The following UNC50 variants were observed in gnomAD, a reference collection of about 807,000 sequenced individuals.
The protein encoded by UNC50 is protein unc-50 homolog.
In UNC50, 24 loss-of-function variants were observed where a neutral mutation model predicts 31.5. That is an observed-to-expected ratio of 0.76 (90% CI 0.55 to 1.07). The LOEUF (loss-of-function observed/expected upper bound fraction) is 1.07. Ranked by LOEUF, UNC50 falls within the 50% of genes least tolerant of loss-of-function variation. The pLI, the probability that UNC50 is intolerant of heterozygous loss-of-function variation, is 0.00. For synonymous variants in UNC50, 118 were observed against 114.7 expected, an observed-to-expected ratio of 1.03 and a Z score of -0.18; for missense variants, 245 against 304.2, an observed-to-expected ratio of 0.81 and a Z score of 1.45.
chr2:98,612,620 G>A (rs1700854206), intron 3 of UNC50, among the ~76,000 whole-genome samples: 2 of 152,164 alleles, frequency 1.3e-5, no homozygotes, highest in African/African-American at 2.4e-5. Flanking sequence ...ATTTGGCCAG[G>A]CTGGTCTCAA....
At chr2:98,616,577 A>T (rs763618806) in intron 5 of UNC50, 44 bp downstream of exon 5, 12 of 1,512,766 alleles carry the variant, frequency 7.9e-6, no homozygotes, top group Non-Finnish European at 1.0e-5. Flanking sequence ...ACATAGCAAG[A>T]GGGGGAAAGT....
At chr2:98,614,721 G>A (rs535642451) in intron 3 of UNC50, among the ~76,000 whole-genome samples, 21 of 152,158 alleles carry the variant, frequency 1.4e-4, no homozygotes, top group Non-Finnish European at 2.8e-4. Flanking sequence ...CTTGGGGAGC[G>A]AGCTACATAC....
At chr2:98,610,679 T>C in intron 2 of UNC50, 96 bp from the exon 3 acceptor site, 1 of 1,469,482 alleles carries the variant, frequency 6.8e-7, no homozygotes, top group South Asian at 1.4e-5. Flanking sequence ...GACCTGTCTC[T>C]CCCACTAGCC....
At chr2:98,609,422 G>T (rs1700779768) in intron 1 of UNC50, 2 of 373,686 alleles carry the variant, frequency 5.4e-6, no homozygotes, top group Middle Eastern at 7.4e-4. Flanking sequence ...ACGGAATTTC[G>T]AGTCAGATTT....
In UNC50 at chr2:98,610,755, C is replaced by A. The variant is rs375337472; in HGVS notation, c.281-20C>A. On this transcript the variant is annotated intron_variant, in intron 2 of 5. Transcript: ENST00000357765. ...AACCTAGCAGAGTCCCTAAATGAAT[C>A]TTGTGAATCTTTCTTTCAGTGTCCA... is the stretch of plus-strand genomic sequence containing the variant. 3.1e-6 allele frequency: 5 copies of A among 1,612,462 alleles called. No individual in the cohort carries two copies. Among genetic ancestry groups the A allele is most frequent in the Non-Finnish European group, 4.2e-6 (5 of 1,179,400 alleles).
intron 3 of UNC50, among the ~76,000 whole-genome samples, chr2:98,613,953 AG>A (rs1473047909): frequency 2.0e-5 from 3 of 152,220 alleles, no homozygotes; most frequent in Admixed American, 6.5e-5. Flanking sequence ...AATGGCATAG[AG>A]GTGTGAACAG....
chr2:98,616,158 A>G (rs768091607), intron 3 of UNC50, 49 bp from the exon 4 acceptor site: 52 of 1,573,638 alleles, frequency 3.3e-5, no homozygotes, highest in Non-Finnish European at 6.1e-6. Context: ...GTCAGTAAAC[A>G]TTTACAGAAT....
rs1245850440 is a variant in UNC50, at chr2:98,609,877, C to T, written c.118C>T (p.Arg40Cys). Residue 40 changes from arginine (R) to cysteine (C), a missense_variant, in exon 2 of 6, where the codon CGC (arginine) becomes TGC (cysteine). Coordinates refer to ENST00000357765, the MANE Select transcript of UNC50 (RefSeq NM_014044.7). ...KRYKYLRRLFRFRQMDFEFAA... is the reference protein window; with the variant it reads ...KRYKYLRRLFCFRQMDFEFAA... ...CTACAAATATCTGAGAAGGCTTTTC[C>T]GCTTTCGGCAAATGGACTTTGAATT... 1.9e-6 allele frequency: 3 copies of T among 1,614,196 alleles called. No individual in the cohort carries two copies. Among genetic ancestry groups the T allele is most frequent in the Middle Eastern group, 1.6e-4 (1 of 6,062 alleles).
Position 98,608,735 on chromosome 2 carries a change from T to A in UNC50, c.-5+9T>A. On this transcript the variant is annotated intron_variant, in intron 1 of 5. Transcript: ENST00000357765. ...CTGTAGCAGGACTCCAGGTGAGGCC[T>A]GAGGACCACTCTGCCCTCCCGCGGC... 1 of 393,544 alleles carries A rather than the reference T, an allele frequency of 2.5e-6. No homozygotes were observed. Among genetic ancestry groups the A allele is most frequent in the Non-Finnish European group, 4.7e-6 (1 of 212,410 alleles). 24.4% of individuals were successfully genotyped at this position (393,544 alleles called of 1,614,324 possible). A position where few individuals can be genotyped will look rare whatever the true frequency, so the allele number is the denominator to read the frequency against.
In UNC50 at chr2:98,616,254, A is replaced by G. The variant is rs1189080173; in HGVS notation, c.449A>G (p.Asp150Gly). 6.2e-7 allele frequency: 1 copy of G among 1,614,186 alleles called. No homozygotes were observed. Among genetic ancestry groups the G allele is most frequent in the South Asian group, 1.1e-5 (1 of 91,084 alleles). Residue 150 changes from aspartate to glycine, a missense_variant, in exon 4 of 6, where the codon GAT (aspartate) becomes GGT (glycine). Asp to Gly is a moderately conservative substitution (Grantham distance 94). Transcript: ENST00000357765. ...GTGAAACGACAGAGCAGAGACTATG[A>G]TGTGGAATGGGGCTATGCTTTTGAT... is the stretch of plus-strand genomic sequence containing the variant. ...YLVKRQSRDY[D>G]VEWGYAFDVH...
At chr2:98,613,112 A>G (rs1221164149) in intron 3 of UNC50, among the ~76,000 whole-genome samples, 1 of 152,254 alleles carries the variant, frequency 6.6e-6, no homozygotes. Flanking sequence ...ACTTCTGACT[A>G]GTACAGCAGA....
chr2:98,614,254 A>G (rs1482456238), intron 3 of UNC50, among the ~76,000 whole-genome samples: 1 of 152,156 alleles, frequency 6.6e-6, no homozygotes. Context: ...AGGCCCAGAT[A>G]GTATGGTGGT....
At chr2:98,608,798 T>TG (rs1700759743) in intron 1 of UNC50, 72 bp downstream of exon 1, 1 of 289,732 alleles carries the variant, frequency 3.5e-6, no homozygotes, top group Non-Finnish European at 6.6e-6. Flanking sequence ...CCCGACAGCT[T>TG]GCGGCCTGAC....
In UNC50 at chr2:98,613,945, T is replaced by C. The variant is rs80282720; in HGVS notation, c.402-2262T>C. Among the ~76,000 whole-genome samples the C allele has an allele frequency of 9.6e-3, 1,454 of 152,236 alleles. 13 individuals are homozygous for C. Among genetic ancestry groups the C allele is most frequent in the Non-Finnish European group, 0.014 (973 of 68,018 alleles). On this transcript the variant is annotated intron_variant, in intron 3 of 5. Coordinates refer to ENST00000357765, the MANE Select transcript of UNC50 (RefSeq NM_014044.7). ...CTGGTGCTGGGAATTGCAAGTGCAA[T>C]GGCATAGAGGTGTGAACAGCACACT... is the stretch of plus-strand genomic sequence containing the variant.
chr2:98,608,892 GTTACAT>G (rs2104168138), intron 1 of UNC50, 166 bp downstream of exon 1: 1 of 248,882 alleles, frequency 4.0e-6, no homozygotes, highest in Non-Finnish European at 8.0e-6. Flanking sequence ...AGGACGCCCA[GTTACAT>G]TTGCATCGTA....
chr2:98,614,055 A>G (rs1324222413), intron 3 of UNC50, among the ~76,000 whole-genome samples: 1 of 152,236 alleles, frequency 6.6e-6, no homozygotes, highest in Non-Finnish European at 1.5e-5. Flanking sequence ...CAGGAAAAAA[A>G]TTGGACTTTA....
chr2:98,618,297 TG>T lies in UNC50; in HGVS notation c.774del (p.Lys259AsnfsTer4). On this transcript the variant is annotated frameshift_variant, in exon 6 of 6. Transcript: ENST00000357765. LOFTEE classifies it high-confidence loss of function. Reference protein sequence around the residue: ...HTLCSFYKYRVK With the variant: ...HTLCSFYKYRXK Reference sequence around the variant, plus strand: ...CTCTGTTCTTTCTATAAGTACAGAGTGAAATAAAAAGTGAGAAGAAGATTCA... The same window carrying T: ...CTCTGTTCTTTCTATAAGTACAGAGTAAATAAAAAGTGAGAAGAAGATTCA... 6.3e-7 allele frequency: 1 copy of T among 1,591,388 alleles called. No individual in the cohort carries two copies. The highest frequency in any genetic ancestry group is 8.5e-7 in the Non-Finnish European group (1 of 1,173,706).
intron 3 of UNC50, 51 bp downstream of exon 3, chr2:98,610,946 GT>G (rs376896625): frequency 0.035 from 55,239 of 1,573,116 alleles, 1,209 homozygotes; most frequent in Middle Eastern, 0.059. Context: ...ATCTCCATTT[GT>G]TTGCTTCAGA....
intron 2 of UNC50, among the ~76,000 whole-genome samples, 187 bp from the exon 3 acceptor site, chr2:98,610,588 C>A (rs1040604222): frequency 2.6e-5 from 4 of 152,200 alleles, no homozygotes; most frequent in Non-Finnish European, 4.4e-5. Flanking sequence ...GGCAAGGGCC[C>A]ACCTCAGGAA....
Sources: allele counts gnomAD v4.1 joint callset (sites outside exome capture counted in the v4.1 genomes callset), GRCh38; gene constraint gnomAD v4.1.1; transcripts MANE v1.5; gene names NCBI Gene and HGNC (gene_info 2026-07-23, HGNC 2026-07-21).